The following CNIH3 variants were observed in gnomAD, a reference collection of about 807,000 sequenced individuals.
The protein encoded by CNIH3 is cornichon family AMPA receptor auxiliary protein 3, also known as protein cornichon homolog 3.
Under a neutral mutation model 24.1 loss-of-function variants are expected in CNIH3, and 14 were observed. That is an observed-to-expected ratio of 0.58 (90% CI 0.38 to 0.91). The LOEUF (loss-of-function observed/expected upper bound fraction) is 0.91, where lower values mean the gene tolerates loss of function less well. Ranked by LOEUF, CNIH3 falls within the 40% of genes least tolerant of loss-of-function variation. The probability of loss-of-function intolerance (pLI) is 0.00; values close to 1 mark genes in which losing one functional copy is unlikely to be tolerated. For missense variants in CNIH3, 178 were observed against 196.8 expected (o/e 0.90, Z 0.57); for synonymous variants, 68 against 73.8 (o/e 0.92, Z 0.40).
intron 3 of CNIH3, among the ~76,000 whole-genome samples, chr1:224,692,209 G>T (rs1389789205): frequency 2.0e-5 from 3 of 152,162 alleles, no homozygotes; most frequent in Non-Finnish European, 4.4e-5. Context: ...GGGAGGGTGA[G>T]GTGGGAGGAT....
At chr1:224,685,527 C>T (rs530785979) in intron 3 of CNIH3, among the ~76,000 whole-genome samples, 29 of 152,316 alleles carry the variant, frequency 1.9e-4, no homozygotes, top group African/African-American at 6.3e-4. Flanking sequence ...ATATGGAGAA[C>T]GGCAACTTGC....
intron 1 of CNIH3, among the ~76,000 whole-genome samples, chr1:224,437,818 C>T (rs906890503): frequency 2.1e-4 from 32 of 151,984 alleles, no homozygotes; most frequent in Non-Finnish European, 4.0e-4. Flanking sequence ...GTTTGAAAAA[C>T]GTTCCTATAA....
At chr1:224,714,869 A>G (rs1688344918) in intron 3 of CNIH3, among the ~76,000 whole-genome samples, 1 of 152,202 alleles carries the variant, frequency 6.6e-6, no homozygotes, top group African/African-American at 2.4e-5. Flanking sequence ...TTTGCATTCC[A>G]CAACTTTGCC....
intron 4 of CNIH3, among the ~76,000 whole-genome samples, chr1:224,731,888 A>G (rs1467163141): frequency 2.0e-5 from 3 of 152,256 alleles, no homozygotes; most frequent in Admixed American, 6.5e-5. Flanking sequence ...GGTTGGATGT[A>G]GGGTTCTTGG....
intron 1 of CNIH3, among the ~76,000 whole-genome samples, chr1:224,623,854 C>A (rs1241886405): frequency 6.6e-6 from 1 of 152,198 alleles, no homozygotes; most frequent in Non-Finnish European, 1.5e-5. Context: ...GTCCCCACCC[C>A]CTGGCAGATT....
intron 5 of CNIH3, 29 bp from the exon 6 acceptor site, chr1:224,739,293 CTCTTTTT>C: frequency 6.4e-7 from 1 of 1,561,662 alleles, no homozygotes. Context: ...ACACCTTCCT[CTCTTTTT>C]TTTTTTTTTT....
chr1:224,518,556 T>G (rs1350550000), intron 1 of CNIH3, among the ~76,000 whole-genome samples: 1 of 152,000 alleles, frequency 6.6e-6, no homozygotes, highest in Non-Finnish European at 1.5e-5. Flanking sequence ...GGTCTTGAAC[T>G]CTGGCCTCAA....
chr1:224,613,333 A>T (rs569839669), upstream of CNIH3, among the ~76,000 whole-genome samples: 120 of 152,200 alleles, frequency 7.9e-4, no homozygotes, highest in Admixed American at 1.0e-3. Context: ...TTTATACTGG[A>T]AGAAATACTT....
chr1:224,689,522 C>T (rs1014590637), intron 3 of CNIH3, among the ~76,000 whole-genome samples: 1 of 152,202 alleles, frequency 6.6e-6, no homozygotes, highest in Non-Finnish European at 1.5e-5. Flanking sequence ...TCCCTCCCGT[C>T]TCTCTCGTTT....
intron 3 of CNIH3, among the ~76,000 whole-genome samples, chr1:224,691,319 T>C (rs775126623): frequency 6.6e-6 from 1 of 152,214 alleles, no homozygotes; most frequent in African/African-American, 2.4e-5. Flanking sequence ...ACCTTTGCAC[T>C]ATGACTTTGC....
chr1:224,590,456 T>C (rs1275077775), downstream of CNIH3, among the ~76,000 whole-genome samples: 1 of 152,190 alleles, frequency 6.6e-6, no homozygotes, highest in Non-Finnish European at 1.5e-5. Flanking sequence ...TCAGAATACC[T>C]GAGACTGGGT....
chr1:224,635,701 T>G (rs1365812275), intron 1 of CNIH3, among the ~76,000 whole-genome samples: 2 of 152,204 alleles, frequency 1.3e-5, no homozygotes, highest in East Asian at 3.8e-4. Flanking sequence ...TCTTCACTTT[T>G]TCCTCCCTTC....
intron 1 of CNIH3, among the ~76,000 whole-genome samples, chr1:224,460,924 C>T (rs180892798): frequency 4.0e-5 from 6 of 151,772 alleles, no homozygotes; most frequent in South Asian, 4.2e-4. Flanking sequence ...GGATTATAGG[C>T]GAGAGCCACT....
intron 1 of CNIH3, among the ~76,000 whole-genome samples, chr1:224,485,122 T>C (rs555957658): frequency 1.7e-4 from 26 of 152,222 alleles, no homozygotes; most frequent in Non-Finnish European, 3.1e-4. Flanking sequence ...GTTGAGTTTA[T>C]TGGAAACAGC....
chr1:224,648,707 T>C (rs1191695096), intron 1 of CNIH3, among the ~76,000 whole-genome samples: 2 of 152,116 alleles, frequency 1.3e-5, no homozygotes, highest in African/African-American at 4.8e-5. Context: ...CTGAAGATGG[T>C]GTAGACATAA....
intron 1 of CNIH3, among the ~76,000 whole-genome samples, chr1:224,652,661 T>C (rs1343029343): frequency 6.6e-6 from 1 of 152,126 alleles, no homozygotes. Context: ...GTAGCCTGGC[T>C]GCACACACCA....
intron 1 of CNIH3, chr1:224,454,469 C>A: frequency 6.3e-6 from 2 of 317,152 alleles, no homozygotes; most frequent in Non-Finnish European, 9.1e-6. Flanking sequence ...TTTCTGGTCC[C>A]GTCCCTGAAG....
At chr1:224,448,048 A>G (rs1177330586) in intron 1 of CNIH3, among the ~76,000 whole-genome samples, 2 of 152,178 alleles carry the variant, frequency 1.3e-5, no homozygotes, top group African/African-American at 2.4e-5. Flanking sequence ...TTCAAGTGGC[A>G]GCAGCAGATG....
intron 3 of CNIH3, among the ~76,000 whole-genome samples, chr1:224,559,617 C>T (rs1680280385): frequency 6.6e-6 from 1 of 152,146 alleles, no homozygotes; most frequent in African/African-American, 2.4e-5. Context: ...AAGCAATACT[C>T]CCACATTGGC....
Sources: gnomAD v4.1 joint callset for allele counts (sites outside exome capture counted in the v4.1 genomes callset) on GRCh38, gnomAD v4.1.1 for gene constraint, MANE v1.5 for transcripts, NCBI Gene and HGNC (gene_info 2026-07-23, HGNC 2026-07-21) for gene names.